NBAS: variants seen among roughly 807,000 people sequenced by gnomAD.
The protein encoded by NBAS is NAG/BC035112 fusion.
NBAS carries 219 observed loss-of-function variants against 302.5 expected under a neutral mutation model. The ratio of observed to expected loss-of-function variants is 0.72; its 90% CI spans 0.65 to 0.81. The LOEUF is 0.81. Among genes scored for constraint, NBAS ranks in the 30% least tolerant of loss-of-function variants. NBAS has a pLI of 0.00. For synonymous variants in NBAS, 1,118 were observed against 1,021.6 expected, an observed-to-expected ratio of 1.09 and a Z score of -1.80; for missense variants, 2,932 against 2,841.6, an observed-to-expected ratio of 1.03 and a Z score of -0.72.
chr2:15,469,287 T>A (rs566022257), intron 16 of NBAS, among the ~76,000 whole-genome samples: 1 of 152,342 alleles, frequency 6.6e-6, no homozygotes, highest in South Asian at 2.1e-4. Context: ...CTGTAAATTG[T>A]GATGTTAGGG....
At chr2:15,148,066 A>T in the NBAS span, among the ~76,000 whole-genome samples, 4 of 152,212 alleles carry the variant, frequency 2.6e-5, no homozygotes, top group Non-Finnish European at 5.9e-5. Context: ...GGAAAGAGGG[A>T]TACAGAGAAC....
intron 48 of NBAS, among the ~76,000 whole-genome samples, chr2:15,207,103 G>T (rs911152879): frequency 3.9e-5 from 6 of 152,214 alleles, no homozygotes; most frequent in African/African-American, 1.4e-4. Context: ...CAGTCATGGA[G>T]GCTGTACCCT....
In NBAS at chr2:15,238,638, C is replaced by A; in HGVS notation, c.5773G>T (p.Val1925Phe). 6.2e-7 allele frequency: 1 copy of A among 1,613,278 alleles called. No homozygotes were observed. Among genetic ancestry groups the A allele is most frequent in the Non-Finnish European group, 8.5e-7 (1 of 1,179,866 alleles). Reference protein sequence around the residue: ...KEMTRKAIKTVKHFIEKPRKR... With the variant: ...KEMTRKAIKTFKHFIEKPRKR... ...CTTGGCTTCTCAATAAAATGTTTGA[C>A]TGTCTTAATAGCCTTTCTAGTCATC... The change falls in exon 45 of 52, where the codon GTC (valine) becomes TTC (phenylalanine). Residue 1925 changes from valine (V) to phenylalanine (F), a missense_variant. By Grantham distance (50) the Val-to-Phe change is conservative. Coordinates refer to ENST00000281513, the MANE Select transcript of NBAS (RefSeq NM_015909.4).
chr2:15,147,612 A>C, the NBAS span, among the ~76,000 whole-genome samples: 2 of 152,062 alleles, frequency 1.3e-5, no homozygotes, highest in East Asian at 3.9e-4. Context: ...ATAATAAAAA[A>C]AATTAAAAAA....
rs1380325834 is a variant in NBAS at position 15,167,299 on chromosome 2, C to A, written c.6865G>T (p.Glu2289Ter). 3 of 1,614,098 alleles carry A rather than the reference C, an allele frequency of 1.9e-6. No homozygotes were observed. In the African/African-American group the frequency reaches 4.0e-5, roughly 22 times the overall value. The stretch of plus-strand genomic sequence containing the variant: ...GCATCCAGGAGCAGGGAAAGAAGTT[C>A]TTGGTCACAATTGGAATCATTCACC... ...TTVNDSNCDQ[E>*]LLSLLLDAKL... The change falls in exon 52 of 52, where the codon GAA becomes TAA. Residue 2289 changes from glutamate to a stop codon, truncating the protein, a stop_gained. Transcript: ENST00000281513. LOFTEE classifies it low-confidence loss of function (END_TRUNC).
chr2:15,412,997 C>T (rs777703192), intron 25 of NBAS, among the ~76,000 whole-genome samples: 1 of 152,214 alleles, frequency 6.6e-6, no homozygotes, highest in Non-Finnish European at 1.5e-5. Context: ...CTGACACTTA[C>T]CAGTCAGACT....
chr2:15,208,308 GAAC>G (rs1246410932), intron 48 of NBAS, among the ~76,000 whole-genome samples: 2 of 152,170 alleles, frequency 1.3e-5, no homozygotes, highest in Admixed American at 1.3e-4. Flanking sequence ...ACTACCACGA[GAAC>G]AGTATGGGGG....
At chr2:15,056,153 A>G in the NBAS span, among the ~76,000 whole-genome samples, 1 of 152,008 alleles carries the variant, frequency 6.6e-6, no homozygotes, top group Non-Finnish European at 1.5e-5. Context: ...TTCAAGAAAC[A>G]TGACTGATAG....
At chr2:15,379,854 ATTAG>A in intron 29 of NBAS, 23 bp from the exon 30 acceptor site, 1 of 1,599,404 alleles carries the variant, frequency 6.3e-7, no homozygotes. Context: ...AGAAACTGGA[ATTAG>A]TTATAGAGAG....
intron 45 of NBAS, among the ~76,000 whole-genome samples, chr2:15,236,158 G>A (rs574894083): frequency 6.6e-5 from 10 of 152,042 alleles, no homozygotes; most frequent in Admixed American, 2.0e-4. Flanking sequence ...CTGACTGAAC[G>A]GTACTCACAA....
At chr2:14,863,007 G>A in the NBAS span, among the ~76,000 whole-genome samples, 2 of 152,308 alleles carry the variant, frequency 1.3e-5, no homozygotes, top group East Asian at 3.9e-4. Context: ...CACATCAGTG[G>A]CATGTTTCAG....
intron 33 of NBAS, among the ~76,000 whole-genome samples, chr2:15,355,879 G>C (rs1239933683): frequency 6.6e-6 from 1 of 151,726 alleles, no homozygotes; most frequent in Admixed American, 6.6e-5. Flanking sequence ...CCCAGTCTCA[G>C]GTATTTCTTT....
At chr2:15,135,304 G>A in the NBAS span, among the ~76,000 whole-genome samples, 1 of 152,138 alleles carries the variant, frequency 6.6e-6, no homozygotes, top group African/African-American at 2.4e-5. Flanking sequence ...TCTATTCCTG[G>A]GGAAGCAGAG....
the NBAS span, among the ~76,000 whole-genome samples, chr2:14,989,289 G>GTATA: frequency 3.2e-5 from 3 of 93,924 alleles, no homozygotes; most frequent in Non-Finnish European, 6.7e-5. Context: ...GTAGATGTAT[G>GTATA]TGTATGTGTG....
the NBAS span, among the ~76,000 whole-genome samples, chr2:14,978,716 C>T: frequency 6.6e-6 from 1 of 152,176 alleles, no homozygotes; most frequent in African/African-American, 2.4e-5. Flanking sequence ...CAAGTAGTGG[C>T]AGAACTATCT....
At chr2:15,036,160 G>A in the NBAS span, among the ~76,000 whole-genome samples, 2 of 152,104 alleles carry the variant, frequency 1.3e-5, no homozygotes, top group Non-Finnish European at 2.9e-5. Flanking sequence ...TTTCTAATAT[G>A]TTGTATTTTT....
Position 15,539,317 on chromosome 2 carries a change from C to A in NBAS, c.419G>T (p.Trp140Leu). The A allele has an allele frequency of 6.2e-7, 1 of 1,614,252 alleles. No homozygotes were observed. Among genetic ancestry groups the A allele is most frequent in the Non-Finnish European group, 8.5e-7 (1 of 1,180,048 alleles). Residue 140 changes from tryptophan (W) to leucine (L), a missense_variant, in exon 7 of 52, where the codon TGG becomes TTG. Trp to Leu is a moderately conservative substitution (Grantham distance 61). Transcript: ENST00000281513. ...DPKPQWRRVA[W>L]SYDCTLLAYA... ...GGCCAGTAGGGTACAATCGTAACTC[C>A]ATGCTACCCGTCTCCACTGGGGTTT...
intron 21 of NBAS, among the ~76,000 whole-genome samples, chr2:15,459,363 CAA>C (rs1021920837): frequency 6.6e-6 from 1 of 152,012 alleles, no homozygotes; most frequent in Non-Finnish European, 1.5e-5. Context: ...ATTTATTCTG[CAA>C]AGAGATAGAG....
At chr2:14,815,638 T>C in the NBAS span, among the ~76,000 whole-genome samples, 1 of 152,206 alleles carries the variant, frequency 6.6e-6, no homozygotes, top group Admixed American at 6.5e-5. Context: ...ACCTTTTATA[T>C]ATTGCTAGTG....
Sources: gnomAD v4.1 joint callset for allele counts (sites outside exome capture counted in the v4.1 genomes callset) on GRCh38, gnomAD v4.1.1 for gene constraint, MANE v1.5 for transcripts, NCBI Gene and HGNC (gene_info 2026-07-23, HGNC 2026-07-21) for gene names.